DDX60L: variants seen among roughly 807,000 people sequenced by gnomAD.
DDX60L encodes the protein DExD/H-box 60 like.
DDX60L carries 191 observed loss-of-function variants against 211.6 expected under a neutral mutation model. The observed-to-expected ratio is 0.90, with a 90% CI of 0.80 to 1.02. The LOEUF (loss-of-function observed/expected upper bound fraction) is 1.02. Among genes scored for constraint, DDX60L ranks in the 50% least tolerant of loss-of-function variants. The probability of loss-of-function intolerance (pLI) is 0.00; values close to 1 mark genes in which losing one functional copy is unlikely to be tolerated. For synonymous variants in DDX60L, 706 were observed against 694.1 expected (o/e 1.02, Z -0.27); for missense variants, 2,007 against 1,984.1 (o/e 1.01, Z -0.22).
chr4:168,375,722 T>C (rs1489226), intron 33 of DDX60L, among the ~76,000 whole-genome samples, 198 bp from the exon 34 acceptor site: 61,251 of 152,022 alleles, frequency 0.4, 13,818 homozygotes, highest in African/African-American at 0.62. Flanking sequence ...TATCTTTCCT[T>C]AAAAAAGTTA....
At chr4:168,465,467 T>A (rs1396662205) in intron 4 of DDX60L, among the ~76,000 whole-genome samples, 1 of 152,168 alleles carries the variant, frequency 6.6e-6, no homozygotes, top group African/African-American at 2.4e-5. Flanking sequence ...TGTTGATTAT[T>A]TCCTTTCCTG....
chr4:168,456,326 A>C (rs1465326617), intron 6 of DDX60L, among the ~76,000 whole-genome samples, 174 bp from the exon 7 acceptor site: 1 of 152,236 alleles, frequency 6.6e-6, no homozygotes, highest in African/African-American at 2.4e-5. Context: ...AAATTGAAAA[A>C]TAATTACAAC....
chr4:168,378,234 C>T (rs1329723411), intron 33 of DDX60L, 120 bp downstream of exon 33: 8 of 512,846 alleles, frequency 1.6e-5, no homozygotes, highest in Non-Finnish European at 1.9e-5. Flanking sequence ...GAAAAGACAA[C>T]ACTATTAAAA....
At chr4:168,374,100 C>T (rs1276516392) in intron 34 of DDX60L, among the ~76,000 whole-genome samples, 2 of 151,866 alleles carry the variant, frequency 1.3e-5, no homozygotes, top group African/African-American at 2.4e-5. Flanking sequence ...CAGCTCCTAC[C>T]AGTGGATTTG....
In DDX60L at chr4:168,375,425, T is replaced by C; in HGVS notation, c.4585A>G (p.Lys1529Glu). ...DFASFLLIAS[K>E]SVNMKKEHQL... The stretch of plus-strand genomic sequence containing the variant: ...TGCTCTTTTTTCATGTTCACCGACT[T>C]GGAAGCAATCAGCAGGAAGGAGGCA... The change falls in exon 34 of 38, where the codon AAG becomes GAG. Residue 1529 changes from lysine (K) to glutamate (E), a missense_variant. Coordinates refer to ENST00000682922, the MANE Select transcript of DDX60L (RefSeq NM_001012967.3). The C allele has an allele frequency of 6.2e-7, 1 of 1,613,068 alleles. No homozygotes were observed. The highest frequency in any genetic ancestry group is 8.5e-7 in the Non-Finnish European group (1 of 1,179,498).
At chr4:168,419,782 A>C (rs1750181189) in intron 18 of DDX60L, among the ~76,000 whole-genome samples, 1 of 152,216 alleles carries the variant, frequency 6.6e-6, no homozygotes, top group South Asian at 2.1e-4. Flanking sequence ...TTTTGAATGG[A>C]AAGAAAAGGT....
At chr4:168,379,633 A>T in intron 31 of DDX60L, 93 bp downstream of exon 31, 1 of 1,216,290 alleles carries the variant, frequency 8.2e-7, no homozygotes, top group Non-Finnish European at 1.2e-6. Flanking sequence ...ATTATCATTG[A>T]ATGCAGATTA....
At chr4:168,447,724 G>A (rs1475562770) in intron 9 of DDX60L, among the ~76,000 whole-genome samples, 1 of 151,738 alleles carries the variant, frequency 6.6e-6, no homozygotes, top group Non-Finnish European at 1.5e-5. Flanking sequence ...CATGTCCTTT[G>A]TAGGGACATG....
chr4:168,446,709 C>A (rs1363215328), intron 9 of DDX60L, among the ~76,000 whole-genome samples: 1 of 146,926 alleles, frequency 6.8e-6, no homozygotes, highest in African/African-American at 2.5e-5. Flanking sequence ...CAGAACAGAG[C>A]CCTCAGAAAT....
intron 8 of DDX60L, among the ~76,000 whole-genome samples, chr4:168,450,832 G>A (rs1371417730): frequency 6.6e-6 from 1 of 152,126 alleles, no homozygotes; most frequent in Non-Finnish European, 1.5e-5. Context: ...ACTTGAGCCT[G>A]GGAGGTCGAG....
rs1444167218 is a variant in DDX60L, at chr4:168,427,085, GT to G, written c.1914del (p.Lys638AsnfsTer13). Reference protein sequence around the residue: ...GLIACFKAWKKHCRGEGKISK... With the variant: ...GLIACFKAWKXHCRGEGKISK... The stretch of plus-strand genomic sequence containing the variant: ...AGTCCCATACCTTCACCTCGGCAAT[GT>G]TTTTTCCATGCTTTAAAGCAGGCAA... On this transcript the variant is annotated frameshift_variant, in exon 14 of 38. Transcript: ENST00000682922. LOFTEE classifies it high-confidence loss of function. 1 of 1,604,090 alleles carries G rather than the reference GT, an allele frequency of 6.2e-7. No homozygotes were observed. The highest frequency in any genetic ancestry group is 8.5e-7 in the Non-Finnish European group (1 of 1,174,244).
At chr4:168,376,307 T>C (rs1462265784) in intron 33 of DDX60L, among the ~76,000 whole-genome samples, 3 of 152,150 alleles carry the variant, frequency 2.0e-5, no homozygotes, top group Non-Finnish European at 2.9e-5. Flanking sequence ...AATATGATCA[T>C]ATAAATCAAA....
chr4:168,464,517 A>G (rs955175362), intron 4 of DDX60L, among the ~76,000 whole-genome samples: 9 of 147,390 alleles, frequency 6.1e-5, no homozygotes, highest in African/African-American at 1.8e-4. Context: ...GCTTCAAATG[A>G]TCCTCCCCAT....
At chr4:168,413,176 C>T (rs1312972617) in intron 22 of DDX60L, among the ~76,000 whole-genome samples, 1 of 152,146 alleles carries the variant, frequency 6.6e-6, no homozygotes, top group Non-Finnish European at 1.5e-5. Context: ...AATATGACCT[C>T]ACCTAATGAA....
rs559271927 is a variant in DDX60L at position 168,450,533 on chromosome 4, A to G, written c.997-1754T>C. ...CAACTCCAAGGAAAGAGTTGCCTCC[A>G]CTACCTTTATTTTATACCCATCCAC... On this transcript the variant is annotated intron_variant, in intron 8 of 37. Transcript: ENST00000682922. Among the ~76,000 whole-genome samples the G allele has an allele frequency of 2.0e-5, 3 of 151,840 alleles. No individual in the cohort carries two copies. The South Asian group carries it at 6.2e-4, about 31-fold the overall frequency.
intron 1 of DDX60L, among the ~76,000 whole-genome samples, chr4:168,474,458 C>T (rs1759220679): frequency 6.6e-6 from 1 of 151,850 alleles, no homozygotes; most frequent in Non-Finnish European, 1.5e-5. Flanking sequence ...TTCTAAAAGA[C>T]ATACTGAGAA....
At chr4:168,477,299 C>T (rs939242433) in intron 1 of DDX60L, among the ~76,000 whole-genome samples, 37 of 151,882 alleles carry the variant, frequency 2.4e-4, no homozygotes, top group African/African-American at 8.5e-4. Context: ...CCTGTAGTCC[C>T]GGCTACTCAG....
chr4:168,408,160 T>C (rs555258846), intron 22 of DDX60L, among the ~76,000 whole-genome samples: 1 of 152,356 alleles, frequency 6.6e-6, no homozygotes, highest in African/African-American at 2.4e-5. Flanking sequence ...ATCAAGTACA[T>C]ACTAATGCTG....
intron 22 of DDX60L, among the ~76,000 whole-genome samples, chr4:168,411,659 C>A (rs867339749): frequency 1.1e-4 from 16 of 152,236 alleles, no homozygotes; most frequent in African/African-American, 3.6e-4. Context: ...TGAAAAGCAG[C>A]CTAGGCCACA....
Sources: gnomAD v4.1 joint callset for allele counts (sites outside exome capture counted in the v4.1 genomes callset) on GRCh38, gnomAD v4.1.1 for gene constraint, MANE v1.5 for transcripts, NCBI Gene and HGNC (gene_info 2026-07-23, HGNC 2026-07-21) for gene names.